PTPRO: variants seen among roughly 807,000 people sequenced by gnomAD.
PTPRO encodes receptor-type tyrosine-protein phosphatase O.
A neutral mutation model predicts 145.2 loss-of-function variants in PTPRO; 62 were observed. That is an observed-to-expected ratio of 0.43 (90% CI 0.35 to 0.53). The LOEUF is 0.53. PTPRO is among the 20% of genes least tolerant of loss of function. The probability of loss-of-function intolerance (pLI) is 0.01; values close to 1 mark genes in which losing one functional copy is unlikely to be tolerated. For missense variants in PTPRO, 1,345 were observed against 1,482.7 expected, an observed-to-expected ratio of 0.91 and a Z score of 1.53; for synonymous variants, 565 against 514.7, an observed-to-expected ratio of 1.10 and a Z score of -1.32.
chr12:15,587,009 A>G lies in PTPRO; in HGVS notation c.3368A>G (p.Gln1123Arg), dbSNP rs1944443435. The part of the protein sequence containing the change: ...SILQFVHMVR[Q>R]QATKSKGPMI... ...CTGCAGTTTGTACACATGGTCCGAC[A>G]GCAAGCTACCAAGAGCAAAGGTCCC... is the stretch of plus-strand genomic sequence containing the variant. Residue 1123 changes from glutamine (Q) to arginine (R), a missense_variant, in exon 24 of 27, where the codon CAG becomes CGG. This residue lies in a region of PTPRO where 208 missense variants were observed against 242.8 expected (regional missense o/e 0.86). Coordinates refer to ENST00000281171, the MANE Select transcript of PTPRO (RefSeq NM_030667.3). 3 of 1,614,158 alleles carry G rather than the reference A, an allele frequency of 1.9e-6. No individual in the cohort carries two copies. Among genetic ancestry groups the G allele is most frequent in the East Asian group, 4.5e-5 (2 of 44,856 alleles).
At chr12:15,496,732 A>G (rs1484316561) in intron 2 of PTPRO, among the ~76,000 whole-genome samples, 1 of 152,256 alleles carries the variant, frequency 6.6e-6, no homozygotes, top group Non-Finnish European at 1.5e-5. Flanking sequence ...TTTATACTTC[A>G]TATGGAAAAA....
At chr12:15,389,474 A>C (rs1173300972) in intron 1 of PTPRO, among the ~76,000 whole-genome samples, 1 of 152,152 alleles carries the variant, frequency 6.6e-6, no homozygotes, top group Non-Finnish European at 1.5e-5. Context: ...TGAATGTGAA[A>C]GTGAAGAATG....
intron 1 of PTPRO, among the ~76,000 whole-genome samples, chr12:15,437,969 A>G (rs1039294645): frequency 2.0e-5 from 3 of 152,214 alleles, no homozygotes; most frequent in Admixed American, 1.3e-4. Flanking sequence ...TGCCTGGGCA[A>G]CAGAGAACTT....
intron 1 of PTPRO, among the ~76,000 whole-genome samples, chr12:15,413,013 G>A (rs533266468): frequency 2.6e-5 from 4 of 151,842 alleles, no homozygotes; most frequent in Non-Finnish European, 5.9e-5. Flanking sequence ...GGCTGGTCTC[G>A]ACCTCCTGAC....
At chr12:15,452,821 T>C (rs1591824261) in intron 1 of PTPRO, among the ~76,000 whole-genome samples, 1 of 152,310 alleles carries the variant, frequency 6.6e-6, no homozygotes, top group Non-Finnish European at 1.5e-5. Flanking sequence ...TTTCTAGCTC[T>C]AAATCTGATT....
intron 10 of PTPRO, 117 bp from the exon 11 acceptor site, chr12:15,524,697 C>T (rs1229700395): frequency 3.7e-6 from 4 of 1,095,368 alleles, no homozygotes; most frequent in African/African-American, 3.1e-5. Flanking sequence ...CCGGGACTAT[C>T]GTGTGCTGTG....
intron 2 of PTPRO, among the ~76,000 whole-genome samples, chr12:15,485,250 A>G (rs1002251768): frequency 3.9e-5 from 6 of 152,268 alleles, no homozygotes; most frequent in Middle Eastern, 3.4e-3. Context: ...TCCCAGGATC[A>G]GTAGTGAGTC....
rs1349321752 is a variant in PTPRO at position 15,496,134 on chromosome 12, C to CTTTT, written c.350-1107_350-1104dup. ...TTTTACTTATGTTCATTTTTCTTTT[C>CTTTT]TTTTTTTGTTTTTTTTTTTTTTTTT... On this transcript the variant is annotated intron_variant, in intron 2 of 26. Transcript: ENST00000281171. Among the ~76,000 whole-genome samples, 62 of 93,104 alleles carry CTTTT rather than the reference C, an allele frequency of 6.7e-4. 1 individual carries two copies. The highest frequency in any genetic ancestry group is 5.8e-3 in the Middle Eastern group (1 of 172). The allele number at this position is 93,104 out of a possible 152,430, so 61.1% of individuals were successfully genotyped here.
At chr12:15,526,803 G>T (rs777914374) in intron 12 of PTPRO, among the ~76,000 whole-genome samples, 5 of 151,934 alleles carry the variant, frequency 3.3e-5, no homozygotes, top group Non-Finnish European at 2.9e-5. Context: ...CTGATGCCTA[G>T]ATATAATTAA....
At chr12:15,367,079 A>C (rs185437672) in intron 1 of PTPRO, among the ~76,000 whole-genome samples, 3 of 152,354 alleles carry the variant, frequency 2.0e-5, no homozygotes, top group African/African-American at 4.8e-5. Context: ...AGTATAGTAC[A>C]ATGTCATCAC....
chr12:15,551,435 A>G (rs996249302), intron 14 of PTPRO, 116 bp from the exon 15 acceptor site: 8 of 1,308,090 alleles, frequency 6.1e-6, no homozygotes, highest in African/African-American at 2.9e-5. Flanking sequence ...GATTGTTACT[A>G]TTATTGGTAT....
intron 2 of PTPRO, among the ~76,000 whole-genome samples, chr12:15,487,660 C>T (rs1410205591): frequency 2.0e-5 from 3 of 152,086 alleles, no homozygotes; most frequent in Admixed American, 6.6e-5. Flanking sequence ...GGGGTAGAGG[C>T]CCAAGGGGAA....
At chr12:15,462,506 A>G (rs2136399290) in intron 1 of PTPRO, among the ~76,000 whole-genome samples, 2 of 152,230 alleles carry the variant, frequency 1.3e-5, no homozygotes, top group South Asian at 4.2e-4. Flanking sequence ...TTTAGTCATA[A>G]TATTTGTTGC....
At chr12:15,359,924 G>C (rs1030737294) in intron 1 of PTPRO, among the ~76,000 whole-genome samples, 1 of 152,150 alleles carries the variant, frequency 6.6e-6, no homozygotes, top group Admixed American at 6.5e-5. Context: ...GGGACCTTCA[G>C]ATAGTTCCTA....
At chr12:15,400,156 A>T (rs1261334659) in intron 1 of PTPRO, among the ~76,000 whole-genome samples, 1 of 150,222 alleles carries the variant, frequency 6.7e-6, no homozygotes, top group Non-Finnish European at 1.5e-5. Context: ...ACGCCCAGCT[A>T]GTTTTGTATT....
Position 15,574,808 on chromosome 12 carries a change from T to C in PTPRO, c.2830-4045T>C, listed in dbSNP as rs113716993. ...TGCGATTCAGAAACAGTAATAGTTA[T>C]GCTTGGGTTTCAAGACATAATGTCC... On this transcript the variant is annotated intron_variant, in intron 19 of 26. Transcript: ENST00000281171. 4.0e-3 allele frequency among the ~76,000 whole-genome samples: 616 copies of C among 152,342 alleles called. 6 individuals carry two copies. The highest frequency in any genetic ancestry group is 0.014 in the African/African-American group (587 of 41,578).
intron 1 of PTPRO, among the ~76,000 whole-genome samples, chr12:15,358,148 A>G (rs1938057176): frequency 6.7e-6 from 1 of 148,208 alleles, no homozygotes; most frequent in African/African-American, 2.5e-5. Context: ...AAAAAACCAA[A>G]CACTCTCATG....
intron 1 of PTPRO, among the ~76,000 whole-genome samples, chr12:15,367,228 G>A (rs558487294): frequency 6.6e-6 from 1 of 152,098 alleles, no homozygotes; most frequent in African/African-American, 2.4e-5. Flanking sequence ...TCTGAAGCAA[G>A]AATCAAATAG....
intron 9 of PTPRO, among the ~76,000 whole-genome samples, chr12:15,519,888 T>A (rs1300048446): frequency 1.3e-5 from 2 of 152,126 alleles, no homozygotes; most frequent in Admixed American, 1.3e-4. Context: ...TAGGGAGAAA[T>A]GTATGTACAG....
Sources: gnomAD v4.1 joint callset for allele counts (sites outside exome capture counted in the v4.1 genomes callset) on GRCh38, gnomAD v4.1.1 for gene constraint, gnomAD v4.1.1 regional missense constraint, MANE v1.5 for transcripts, NCBI Gene and HGNC (gene_info 2026-07-23, HGNC 2026-07-21) for gene names.